The following OR51B5 variants were observed in gnomAD, a reference collection of about 807,000 sequenced individuals.
OR51B5 encodes olfactory receptor 51B5.
For synonymous variants in OR51B5, 186 were observed against 144.8 expected (o/e 1.28, Z -2.04); for missense variants, 456 against 374.6 (o/e 1.22, Z -1.79).
intron 1 of OR51B5, among the ~76,000 whole-genome samples, chr11:5,387,825 TATAAAATG>T (rs1849722424): frequency 6.6e-6 from 1 of 152,210 alleles, no homozygotes; most frequent in Non-Finnish European, 1.5e-5. Flanking sequence ...GACTACCCTA[TATAAAATG>T]CATCACTCTT....
chr11:5,343,718 A>G, upstream of OR51B5: 1 of 472,304 alleles, frequency 2.1e-6, no homozygotes. Flanking sequence ...TTAACTGCAC[A>G]TTCCAGGATC....
intron 1 of OR51B5, among the ~76,000 whole-genome samples, chr11:5,488,115 A>G (rs1180453609): frequency 1.3e-5 from 2 of 152,220 alleles, no homozygotes; most frequent in Admixed American, 1.3e-4. Flanking sequence ...CAAAATGTCT[A>G]GGTACAAATA....
At chr11:5,373,953 T>C (rs1212166147) in intron 1 of OR51B5, among the ~76,000 whole-genome samples, 2 of 152,190 alleles carry the variant, frequency 1.3e-5, no homozygotes, top group Non-Finnish European at 2.9e-5. Flanking sequence ...TAAATGTCCC[T>C]GTCTGACAGC....
chr11:5,455,188 A>G (rs953259849), intron 1 of OR51B5: 39 of 152,184 alleles, frequency 2.6e-4, no homozygotes, highest in Admixed American at 2.5e-3. Context: ...ACAGAAAACA[A>G]TGTTCAATAT....
At chr11:5,343,457 T>C in exon 1 of OR51B5, 1 of 1,580,874 alleles carries the variant, frequency 6.3e-7, no homozygotes, top group Non-Finnish European at 8.7e-7. Context: ...GGAAATCCAG[T>C]GATGAGCTTC....
chr11:5,388,436 A>C (rs903343142), intron 1 of OR51B5, among the ~76,000 whole-genome samples: 1 of 151,408 alleles, frequency 6.6e-6, no homozygotes, highest in African/African-American at 2.4e-5. Flanking sequence ...ATCTAAGCTA[A>C]GGTGGGTTAT....
intron 1 of OR51B5, chr11:5,488,705 G>A: frequency 6.2e-7 from 1 of 1,605,474 alleles, no homozygotes; most frequent in Non-Finnish European, 8.5e-7. Context: ...TTGCCAGGAA[G>A]AATGTCAGAT....
intron 1 of OR51B5, among the ~76,000 whole-genome samples, chr11:5,416,568 C>T (rs28864789): frequency 0.42 from 62,612 of 150,670 alleles, 13,802 homozygotes; most frequent in Non-Finnish European, 0.5. Flanking sequence ...TGATAAGCAA[C>T]TTCAGCAAAA....
At position 5,431,439 on chromosome 11, in the gene OR51B5, G is replaced by C. The variant is rs117259612; in HGVS notation, n.84+74130C>G. 194 of 206,646 alleles carry C rather than the reference G, an allele frequency of 9.4e-4. 2 individuals carry two copies. The East Asian group carries it at 0.014, about 15-fold the overall frequency. 12.8% of individuals were successfully genotyped at this position (206,646 alleles called of 1,614,324 possible). On this transcript the variant is annotated intron_variant and non_coding_transcript_variant, in intron 1 of 4. Coordinates refer to the OR51B5 transcript ENST00000415970. ...TAAGTACATGGGCTCATGTAGGGCA[G>C]AGTCTTCCTGCACTGCTGCCATAAT... is the stretch of plus-strand genomic sequence containing the variant.
At chr11:5,451,743 C>T (rs1401711890) in intron 1 of OR51B5, among the ~76,000 whole-genome samples, 2 of 152,060 alleles carry the variant, frequency 1.3e-5, no homozygotes, top group South Asian at 2.1e-4. Context: ...GAGCATGGTC[C>T]GGTCTTGCTT....
At chr11:5,450,686 T>A (rs1328150037) in intron 1 of OR51B5, among the ~76,000 whole-genome samples, 3 of 152,322 alleles carry the variant, frequency 2.0e-5, no homozygotes, top group East Asian at 3.9e-4. Flanking sequence ...ACCTGTGAAA[T>A]CTTTGTTCAG....
At chr11:5,416,873 A>G (rs1047488413) in intron 1 of OR51B5, among the ~76,000 whole-genome samples, 2 of 152,022 alleles carry the variant, frequency 1.3e-5, no homozygotes, top group Admixed American at 6.6e-5. Context: ...TACAGATTCA[A>G]TGCCATCCCC....
chr11:5,383,072 T>C (rs1446781961), intron 1 of OR51B5, among the ~76,000 whole-genome samples: 1 of 151,648 alleles, frequency 6.6e-6, no homozygotes, highest in Non-Finnish European at 1.5e-5. Flanking sequence ...TAGCATAGTC[T>C]GGGGAAGAAG....
intron 1 of OR51B5, among the ~76,000 whole-genome samples, chr11:5,370,722 T>TG (rs1849434595): frequency 6.6e-6 from 1 of 152,202 alleles, no homozygotes; most frequent in African/African-American, 2.4e-5. Context: ...ATGAAGCTTG[T>TG]ATTTTAACGG....
intron 1 of OR51B5, among the ~76,000 whole-genome samples, chr11:5,460,699 G>A (rs756548986): frequency 2.2e-4 from 34 of 152,314 alleles, no homozygotes; most frequent in East Asian, 5.8e-4. Context: ...CTTTCTCTGC[G>A]TTGGCTGATG....
intron 1 of OR51B5, among the ~76,000 whole-genome samples, chr11:5,487,721 ATC>A (rs941517874): frequency 2.0e-5 from 3 of 152,176 alleles, no homozygotes; most frequent in Non-Finnish European, 4.4e-5. Flanking sequence ...CACTTTTTAT[ATC>A]TGTCTCTAAT....
intron 1 of OR51B5, among the ~76,000 whole-genome samples, chr11:5,419,086 T>A (rs150774247): frequency 6.6e-6 from 1 of 152,282 alleles, no homozygotes; most frequent in South Asian, 2.1e-4. Context: ...TCACTCTCCT[T>A]CAAATTGTCT....
chr11:5,395,259 C>T (rs545098060), intron 1 of OR51B5, among the ~76,000 whole-genome samples: 1 of 152,322 alleles, frequency 6.6e-6, no homozygotes, highest in Admixed American at 6.5e-5. Context: ...CCACGTAGAA[C>T]AGCATCCTGA....
chr11:5,502,805 G>A (rs1409417569), intron 1 of OR51B5, among the ~76,000 whole-genome samples: 1 of 152,190 alleles, frequency 6.6e-6, no homozygotes, highest in East Asian at 1.9e-4. Flanking sequence ...CTATAGAACA[G>A]TGCCTAGTTT....
Sources: gnomAD v4.1 joint callset for allele counts (sites outside exome capture counted in the v4.1 genomes callset) on GRCh38, gnomAD v4.1.1 for gene constraint, MANE v1.5 for transcripts, NCBI Gene and HGNC (gene_info 2026-07-23, HGNC 2026-07-21) for gene names.